Variants in RNF166 observed in about 807,000 individuals in gnomAD.
The protein encoded by RNF166 is E3 ubiquitin-protein ligase RNF166.
Under a neutral mutation model 29.4 loss-of-function variants are expected in RNF166, and 19 were observed. The ratio of observed to expected loss-of-function variants is 0.65; its 90% CI spans 0.45 to 0.95. The LOEUF is 0.95. RNF166 is among the 40% of genes least tolerant of loss of function. The probability of loss-of-function intolerance (pLI) is 0.00; values close to 1 mark genes in which losing one functional copy is unlikely to be tolerated. For missense variants in RNF166, 347 were observed against 322.1 expected (o/e 1.08, Z -0.59); for synonymous variants, 171 against 134.5 (o/e 1.27, Z -1.88).
At chr16:88,697,746 C>T (rs1385200570) in intron 5 of RNF166, 113 bp from the exon 6 acceptor site, 1 of 766,428 alleles carries the variant, frequency 1.3e-6, no homozygotes, top group Non-Finnish European at 2.2e-6. Context: ...TCCAGCAGGA[C>T]ACAGGAAGGA....
rs1163163127 is a variant in RNF166, at chr16:88,697,642, A to C, written c.649-9T>G. ...TCGTCAATACTGTAGTCCTGGAGAC[A>C]GGAAGGAGAGATGCACCGGGCTCGA... is the stretch of plus-strand genomic sequence containing the variant. On this transcript the variant is annotated splice_polypyrimidine_tract_variant and intron_variant, in intron 5 of 5. Coordinates refer to ENST00000312838, the MANE Select transcript of RNF166 (RefSeq NM_178841.4). 1 of 1,547,536 alleles carries C rather than the reference A, an allele frequency of 6.5e-7. No individual in the cohort carries two copies. Among genetic ancestry groups the C allele is most frequent in the East Asian group, 2.4e-5 (1 of 40,950 alleles).
chr16:88,697,769 GT>G (rs1909776655), intron 5 of RNF166, 136 bp from the exon 6 acceptor site: 1 of 663,394 alleles, frequency 1.5e-6, no homozygotes, highest in Admixed American at 2.3e-5. Context: ...CAGCTCCACT[GT>G]CCCCACAGGC....
intron 1 of RNF166, chr16:88,703,195 A>AT: frequency 1.0e-6 from 1 of 976,726 alleles, no homozygotes; most frequent in Non-Finnish European, 1.2e-6. Context: ...GTGCCAGGCG[A>AT]GGGGGAGAGT....
chr16:88,701,242 C>A lies in RNF166; in HGVS notation c.312+20G>T. On this transcript the variant is annotated intron_variant, in intron 2 of 5. Transcript: ENST00000312838. Reference sequence around the variant, plus strand: ...CCATCAAGTGACCCCGGCTCCAGGGCGGCCCAAGCAGGCGGGTACCTTTTT... The same window carrying A: ...CCATCAAGTGACCCCGGCTCCAGGGAGGCCCAAGCAGGCGGGTACCTTTTT... The A allele has an allele frequency of 6.2e-7, 1 of 1,613,200 alleles. No individual in the cohort carries two copies. Among genetic ancestry groups the A allele is most frequent in the African/African-American group, 1.3e-5 (1 of 75,034 alleles).
In RNF166 at chr16:88,701,332, A is replaced by C. The variant is rs773647084; in HGVS notation, c.242T>G (p.Val81Gly). The change falls in exon 2 of 6, where the codon GTG becomes GGG. Residue 81 changes from valine (V) to glycine (G), a missense_variant. By Grantham distance (109) the Val-to-Gly change is moderately radical (BLOSUM62 -3). Transcript: ENST00000312838. ...LCRLPFDPKK[V>G]DKATHVEKQL... ...CTTCTCCACGTGGGTGGCCTTGTCCACCTTCTTGGGGTCGAAGGGCAGGCG... is the reference window on the plus strand; with the variant it reads ...CTTCTCCACGTGGGTGGCCTTGTCCCCCTTCTTGGGGTCGAAGGGCAGGCG... 10 of 1,613,298 alleles carry C rather than the reference A, an allele frequency of 6.2e-6. No individual in the cohort carries two copies. Among genetic ancestry groups the C allele is most frequent in the Non-Finnish European group, 8.5e-6 (10 of 1,179,870 alleles).
intron 2 of RNF166, chr16:88,700,939 G>A (rs1910152747): frequency 8.4e-7 from 1 of 1,183,716 alleles, no homozygotes. Flanking sequence ...GGCAGGGGAA[G>A]GCTGCATTGG....
rs1597400433 is a variant in RNF166 at position 88,697,738 on chromosome 16, C to T, written c.649-105G>A. 1.5e-5 allele frequency: 12 copies of T among 804,562 alleles called. No individual in the cohort carries two copies. In the East Asian group the frequency reaches 3.3e-4, roughly 22 times the overall value. The allele number at this position is 804,562 out of a possible 1,614,324, so 49.8% of individuals were successfully genotyped here. Reference sequence around the variant, plus strand: ...CGTGTCCACCCTTCCTGCCTCCCTCCAGCAGGACACAGGAAGGACCCAGCT... The same window carrying T: ...CGTGTCCACCCTTCCTGCCTCCCTCTAGCAGGACACAGGAAGGACCCAGCT... On this transcript the variant is annotated intron_variant, in intron 5 of 5. Transcript: ENST00000312838.
At chr16:88,698,370 G>A (rs1469193994) in intron 5 of RNF166, 132 bp downstream of exon 5, 1 of 778,488 alleles carries the variant, frequency 1.3e-6, no homozygotes, top group Admixed American at 2.0e-5. Flanking sequence ...GGGGGAATGT[G>A]GCCACCTGAA....
Position 88,697,400 on chromosome 16 carries a change from T to G in RNF166, c.*168A>C, listed in dbSNP as rs1467962071. 1 of 544,494 alleles carries G rather than the reference T, an allele frequency of 1.8e-6. No homozygotes were observed. The highest frequency in any genetic ancestry group is 3.2e-5 in the Admixed American group (1 of 31,328). 33.7% of individuals were successfully genotyped at this position (544,494 alleles called of 1,614,324 possible). ...GCCCTGCTCTGGCGGCCTCGGCGGC[T>G]GGCCCGTATTCAGGCCCGGAGGCTC... On this transcript the variant is annotated 3_prime_UTR_variant, in exon 6 of 6. Transcript: ENST00000312838.
intron 2 of RNF166, chr16:88,699,937 C>A: frequency 2.1e-6 from 1 of 470,924 alleles, no homozygotes; most frequent in Non-Finnish European, 3.8e-6. Context: ...CAAGTCACTG[C>A]AGGACAATCT....
chr16:88,697,520 G>C lies in RNF166; in HGVS notation c.*48C>G. 2 of 1,388,578 alleles carry C rather than the reference G, an allele frequency of 1.4e-6. No homozygotes were observed. Among genetic ancestry groups the C allele is most frequent in the Non-Finnish European group, 2.0e-6 (2 of 1,003,302 alleles). The allele number at this position is 1,388,578 out of a possible 1,614,324, so 86.0% of individuals were successfully genotyped here. ...AGCAGGTGCCAGGTGCGACACAGGA[G>C]CGGGGACATCCCTGACCCCAGACGC... On this transcript the variant is annotated 3_prime_UTR_variant, in exon 6 of 6. Transcript: ENST00000312838.
At chr16:88,704,396 C>T in intron 1 of RNF166, 1 of 985,406 alleles carries the variant, frequency 1.0e-6, no homozygotes, top group African/African-American at 1.7e-5. Flanking sequence ...GTCATTCTAC[C>T]AAGAAAAGCA....
At chr16:88,702,735 T>A in intron 1 of RNF166, 1 of 985,352 alleles carries the variant, frequency 1.0e-6, no homozygotes, top group Non-Finnish European at 1.2e-6. Context: ...TGAACAAGCC[T>A]TTTTCTGCAG....
intron 3 of RNF166, among the ~76,000 whole-genome samples, chr16:88,699,386 CCCT>C (rs1467078189): frequency 1.3e-5 from 2 of 152,248 alleles, no homozygotes; most frequent in Non-Finnish European, 2.9e-5. Context: ...CCGGCCTGCG[CCCT>C]CCTCCTGCTC....
intron 4 of RNF166, 147 bp from the exon 5 acceptor site, chr16:88,698,756 A>G: frequency 3.0e-6 from 2 of 676,852 alleles, no homozygotes; most frequent in East Asian, 5.5e-5. Flanking sequence ...CCCGGTGACA[A>G]GCGAGTTATT....
intron 1 of RNF166, chr16:88,704,441 C>T (rs1910563603): frequency 1.0e-6 from 1 of 985,398 alleles, no homozygotes. Context: ...AGATGCTCCA[C>T]AATTCCATGT....
At chr16:88,703,704 A>G in intron 1 of RNF166, 1 of 985,424 alleles carries the variant, frequency 1.0e-6, no homozygotes, top group Non-Finnish European at 1.2e-6. Flanking sequence ...GAAGTGGCTG[A>G]GGGCGATGGG....
Position 88,706,404 on chromosome 16 carries a change from G to A in RNF166, c.-79C>T, listed in dbSNP as rs550852226. 1.6e-6 allele frequency: 2 copies of A among 1,231,944 alleles called. No individual in the cohort carries two copies. The highest frequency in any genetic ancestry group is 4.3e-5 in the Admixed American group (1 of 23,108). The allele number at this position is 1,231,944 out of a possible 1,614,324, so 76.3% of individuals were successfully genotyped here. Reference sequence around the variant, plus strand: ...CGCTAGTCACAGCCGCTACTGCGCCGCGCTGACGTCATCGTAGGGCGCCGC... The same window carrying A: ...CGCTAGTCACAGCCGCTACTGCGCCACGCTGACGTCATCGTAGGGCGCCGC... On this transcript the variant is annotated 5_prime_UTR_variant, in exon 1 of 6. Coordinates refer to ENST00000312838, the MANE Select transcript of RNF166 (RefSeq NM_178841.4).
rs1910713752 is a variant in RNF166, at chr16:88,705,664, GA to G, written c.155+506del. Among the ~76,000 whole-genome samples the G allele has an allele frequency of 3.3e-5, 5 of 152,336 alleles. No homozygotes were observed. In the South Asian group the frequency reaches 1.0e-3, roughly 32 times the overall value. Reference sequence around the variant, plus strand: ...CAAGTTCTCCTTCAAACAAAACTAAGAACATCAGACTCCAAACAAGCCCCTC... The same window carrying G: ...CAAGTTCTCCTTCAAACAAAACTAAGACATCAGACTCCAAACAAGCCCCTC... On this transcript the variant is annotated intron_variant, in intron 1 of 5. Transcript: ENST00000312838.
Sources: allele counts gnomAD v4.1 joint callset (sites outside exome capture counted in the v4.1 genomes callset), GRCh38; gene constraint gnomAD v4.1.1; transcripts MANE v1.5; gene names NCBI Gene and HGNC (gene_info 2026-07-23, HGNC 2026-07-21).